Variants in CDH9 observed in about 807,000 individuals in gnomAD.
CDH9 encodes the protein cadherin-9.
In CDH9, 28 loss-of-function variants were observed where a neutral mutation model predicts 70.9. The observed-to-expected ratio is 0.40, with a 90% CI of 0.29 to 0.54. The LOEUF (loss-of-function observed/expected upper bound fraction) is 0.54. Ranked by LOEUF, CDH9 falls within the 20% of genes least tolerant of loss-of-function variation. The pLI, the probability that CDH9 is intolerant of heterozygous loss-of-function variation, is 0.59. For missense variants in CDH9, 874 were observed against 984.4 expected, an observed-to-expected ratio of 0.89 and a Z score of 1.50; for synonymous variants, 409 against 343.1, an observed-to-expected ratio of 1.19 and a Z score of -2.12.
intron 2 of CDH9, among the ~76,000 whole-genome samples, chr5:26,951,508 C>T (rs1325729216): frequency 6.6e-6 from 1 of 151,902 alleles, no homozygotes; most frequent in Non-Finnish European, 1.5e-5. Context: ...TGGAAAACGT[C>T]GCATAAGCTA....
Position 26,988,112 on chromosome 5 carries a change from T to G in CDH9, c.222A>C (p.Val74=), listed in dbSNP as rs1024497676. The G allele has an allele frequency of 1.2e-6, 2 of 1,606,066 alleles. No individual in the cohort carries two copies. The highest frequency in any genetic ancestry group is 2.7e-5 in the African/African-American group (2 of 74,796). ...CTCATACAAAAATTCTTACCTTGCC[T>G]ACATATTGTGTGTCAGTACCTGTGT... The part of the protein sequence containing the change: ...EEYTGTDTQY[V]GKLHTDQDKG... The change falls in exon 2 of 12, where the codon GTA becomes GTC. Residue 74 remains valine, a synonymous_variant. Transcript: ENST00000231021.
At chr5:26,989,013 A>C (rs1202118793) in intron 1 of CDH9, among the ~76,000 whole-genome samples, 1 of 152,094 alleles carries the variant, frequency 6.6e-6, no homozygotes. Context: ...TAGGACACTC[A>C]AATTTATTTG....
At chr5:27,035,068 C>G (rs1184894210) in intron 1 of CDH9, among the ~76,000 whole-genome samples, 2 of 150,926 alleles carry the variant, frequency 1.3e-5, no homozygotes, top group Non-Finnish European at 3.0e-5. Context: ...ATTTATCTAT[C>G]TATCCTCTAT....
rs149865589 is a variant in CDH9 at position 27,026,111 on chromosome 5, A to AT, written c.-50+12351dup. On this transcript the variant is annotated intron_variant, in intron 1 of 11. Transcript: ENST00000231021. Reference sequence around the variant, plus strand: ...TTAATGAAATTCTAACTTTGTATACATAAAAAGATGAACATTATATCATAT... The same window carrying AT: ...TTAATGAAATTCTAACTTTGTATACATTAAAAAGATGAACATTATATCATAT... Among the ~76,000 whole-genome samples, 999 of 152,108 alleles carry AT rather than the reference A, an allele frequency of 6.6e-3. 9 individuals are homozygous for AT. The highest frequency in any genetic ancestry group is 0.023 in the African/African-American group (954 of 41,552).
chr5:26,968,339 G>A lies in CDH9; in HGVS notation c.228+19767C>T, dbSNP rs191423248. ...CTTGCTCTGTTGCCCAGGCTGGAGT[G>A]CAGTGGCGCAATCTCGGCTCACTGC... On this transcript the variant is annotated intron_variant, in intron 2 of 11. Transcript: ENST00000231021. Among the ~76,000 whole-genome samples the A allele has an allele frequency of 4.1e-4, 62 of 152,038 alleles. 3 individuals are homozygous for A. In the East Asian group the frequency reaches 0.012, roughly 28 times the overall value.
chr5:26,932,632 C>G (rs1252133430), intron 2 of CDH9, among the ~76,000 whole-genome samples: 1 of 152,040 alleles, frequency 6.6e-6, no homozygotes, highest in Non-Finnish European at 1.5e-5. Flanking sequence ...TCTCTTTAAT[C>G]TATATTTGAC....
chr5:26,975,361 A>C (rs1315604263), intron 2 of CDH9, among the ~76,000 whole-genome samples: 2 of 152,146 alleles, frequency 1.3e-5, no homozygotes. Context: ...AAAATATAGA[A>C]AGTCTTATTC....
chr5:27,014,750 T>C (rs534034815), intron 1 of CDH9, among the ~76,000 whole-genome samples: 1 of 152,034 alleles, frequency 6.6e-6, no homozygotes, highest in South Asian at 2.1e-4. Flanking sequence ...TCATGGATTA[T>C]AATTATCACT....
At chr5:27,027,744 C>A (rs560380306) in intron 1 of CDH9, among the ~76,000 whole-genome samples, 49 of 152,080 alleles carry the variant, frequency 3.2e-4, no homozygotes, top group South Asian at 2.1e-3. Context: ...GTAAAGATAA[C>A]CTACTAGCAA....
rs1056477735 is a variant in CDH9, at chr5:26,880,910, T to C, written c.*226A>G. The C allele has an allele frequency of 8.2e-6, 3 of 366,850 alleles. No homozygotes were observed. The highest frequency in any genetic ancestry group is 1.5e-5 in the Non-Finnish European group (3 of 204,924). The allele number at this position is 366,850 out of a possible 1,614,324, so 22.7% of individuals were successfully genotyped here. A position where few individuals can be genotyped will look rare whatever the true frequency, so the allele number is the denominator to read the frequency against. ...GATGTGATATATTTTCCTTCCGAGA[T>C]TGTTAGGCAAAGAGGGTGAACTGGT... On this transcript the variant is annotated 3_prime_UTR_variant, in exon 12 of 12. Coordinates refer to ENST00000231021, the MANE Select transcript of CDH9 (RefSeq NM_016279.4).
chr5:26,908,113 A>T (rs552821320), intron 3 of CDH9, among the ~76,000 whole-genome samples: 28 of 152,274 alleles, frequency 1.8e-4, no homozygotes, highest in Non-Finnish European at 4.0e-4. Flanking sequence ...TAACAATGAC[A>T]ACTTGAGCTC....
intron 1 of CDH9, among the ~76,000 whole-genome samples, chr5:26,998,170 A>G (rs1178403674): frequency 6.6e-6 from 1 of 152,184 alleles, no homozygotes. Context: ...GAAACAACCA[A>G]TGCCCAACAG....
chr5:26,885,543 G>A (rs1740549219), intron 11 of CDH9, 71 bp downstream of exon 11: 2 of 1,230,240 alleles, frequency 1.6e-6, no homozygotes, highest in South Asian at 2.5e-5. Context: ...TTGTTATTCA[G>A]TGCACCATGC....
At chr5:26,921,187 A>T (rs999258242) in intron 2 of CDH9, among the ~76,000 whole-genome samples, 6 of 152,064 alleles carry the variant, frequency 3.9e-5, no homozygotes, top group African/African-American at 1.4e-4. Flanking sequence ...ACCACCTAAA[A>T]TATGCATACC....
At chr5:26,898,857 A>T (rs1460769340) in intron 7 of CDH9, among the ~76,000 whole-genome samples, 1 of 152,220 alleles carries the variant, frequency 6.6e-6, no homozygotes, top group Non-Finnish European at 1.5e-5. Context: ...TGCACAGCAA[A>T]AGAAACTAGC....
chr5:26,966,941 T>C (rs1742139150), intron 2 of CDH9, among the ~76,000 whole-genome samples: 1 of 152,064 alleles, frequency 6.6e-6, no homozygotes, highest in Non-Finnish European at 1.5e-5. Flanking sequence ...TTTATTTATT[T>C]ATTCATTTTG....
intron 2 of CDH9, among the ~76,000 whole-genome samples, chr5:26,926,951 G>C (rs1290390312): frequency 8.3e-6 from 1 of 121,122 alleles, no homozygotes; most frequent in Non-Finnish European, 1.7e-5. Context: ...AACAAAGAAA[G>C]AAAATAAAAC....
chr5:27,003,623 C>CA (rs1742808765), intron 1 of CDH9, among the ~76,000 whole-genome samples: 1 of 152,000 alleles, frequency 6.6e-6, no homozygotes, highest in Admixed American at 6.6e-5. Flanking sequence ...AACAAACAAA[C>CA]AAAAAACGAG....
rs1326033812 is a variant in CDH9 at position 26,921,807 on chromosome 5, C to A, written c.229-5883G>T. On this transcript the variant is annotated intron_variant, in intron 2 of 11. Coordinates refer to ENST00000231021, the MANE Select transcript of CDH9 (RefSeq NM_016279.4). ...CCGAGGACTCCACACTTCCCGGTAA[C>A]ATATTGAGGAAACTCAAGAAAACAC... is the stretch of plus-strand genomic sequence containing the variant. 3.3e-5 allele frequency among the ~76,000 whole-genome samples: 5 copies of A among 151,936 alleles called. No homozygotes were observed. In the East Asian group the frequency reaches 9.7e-4, roughly 29 times the overall value.
Sources: allele counts gnomAD v4.1 joint callset (sites outside exome capture counted in the v4.1 genomes callset), GRCh38; gene constraint gnomAD v4.1.1; transcripts MANE v1.5; gene names NCBI Gene and HGNC (gene_info 2026-07-23, HGNC 2026-07-21).